Variants in RARB observed in about 807,000 individuals in gnomAD.
The protein encoded by RARB is HBV-activated protein.
A neutral mutation model predicts 51.9 loss-of-function variants in RARB; 17 were observed. The observed-to-expected ratio is 0.33, with a 90% CI of 0.22 to 0.49. The LOEUF is 0.49. RARB is among the 20% of genes least tolerant of loss of function. The probability of loss-of-function intolerance (pLI) is 0.99; values close to 1 mark genes in which losing one functional copy is unlikely to be tolerated. For missense variants in RARB, 369 were observed against 550.8 expected (o/e 0.67, Z 3.30); for synonymous variants, 215 against 195.4 (o/e 1.10, Z -0.84).
chr3:25,344,094 T>C (rs187913805), intron 5 of RARB, among the ~76,000 whole-genome samples: 38 of 152,322 alleles, frequency 2.5e-4, no homozygotes, highest in Non-Finnish European at 5.1e-4. Context: ...CCAGAAACTT[T>C]CTTTAAATGA....
intron 5 of RARB, among the ~76,000 whole-genome samples, chr3:25,413,248 T>G (rs947632145): frequency 1.7e-4 from 25 of 143,616 alleles, no homozygotes; most frequent in African/African-American, 6.3e-4. Flanking sequence ...TGTATTTTTG[T>G]CTTTTTTCAT....
At chr3:25,536,307 T>C (rs1181330719) in intron 3 of RARB, among the ~76,000 whole-genome samples, 1 of 152,172 alleles carries the variant, frequency 6.6e-6, no homozygotes, top group Non-Finnish European at 1.5e-5. Context: ...AGAATTCCAG[T>C]CTAATGCTAA....
At chr3:24,995,961 T>C (rs1240470565) in intron 2 of RARB, among the ~76,000 whole-genome samples, 1 of 152,102 alleles carries the variant, frequency 6.6e-6, no homozygotes, top group Admixed American at 6.6e-5. Context: ...GTCAAGGATA[T>C]GCTGGCCTCA....
chr3:25,465,441 G>C (rs921169608), intron 2 of RARB, among the ~76,000 whole-genome samples: 1 of 152,184 alleles, frequency 6.6e-6, no homozygotes, highest in Non-Finnish European at 1.5e-5. Context: ...CTCCCAAACA[G>C]AGCCTGGTAT....
intron 2 of RARB, among the ~76,000 whole-genome samples, chr3:24,905,578 C>T (rs1441209286): frequency 6.6e-6 from 1 of 152,140 alleles, no homozygotes; most frequent in African/African-American, 2.4e-5. Context: ...CTTTCCTTTC[C>T]TGATTTAAAA....
At chr3:25,236,699 AT>A (rs1702307853) in intron 5 of RARB, among the ~76,000 whole-genome samples, 1 of 152,076 alleles carries the variant, frequency 6.6e-6, no homozygotes, top group African/African-American at 2.4e-5. Flanking sequence ...TTTTACATTA[AT>A]GTATGTCTGC....
intron 2 of RARB, among the ~76,000 whole-genome samples, chr3:25,496,712 G>C (rs1431839140): frequency 6.6e-6 from 1 of 152,210 alleles, no homozygotes; most frequent in Non-Finnish European, 1.5e-5. Flanking sequence ...TTGCCTAGGA[G>C]AGGAAGCATC....
intron 5 of RARB, among the ~76,000 whole-genome samples, chr3:25,205,807 A>C (rs114583019): frequency 6.6e-6 from 1 of 151,962 alleles, no homozygotes; most frequent in South Asian, 2.1e-4. Flanking sequence ...CAGTGGTGCA[A>C]TTATGGCTCA....
chr3:25,147,056 A>G (rs1327280629), intron 4 of RARB, among the ~76,000 whole-genome samples: 2 of 152,112 alleles, frequency 1.3e-5, no homozygotes, highest in African/African-American at 4.8e-5. Context: ...AGCTCTCCAG[A>G]TGATTCTAGT....
At chr3:24,899,543 A>G (rs549607757) in intron 2 of RARB, among the ~76,000 whole-genome samples, 26 of 152,172 alleles carry the variant, frequency 1.7e-4, no homozygotes, top group Non-Finnish European at 3.2e-4. Flanking sequence ...AATGGGGACA[A>G]AAGTCTAGTG....
chr3:25,074,337 C>T (rs1049425432), intron 3 of RARB, among the ~76,000 whole-genome samples: 1 of 152,192 alleles, frequency 6.6e-6, no homozygotes, highest in East Asian at 1.9e-4. Context: ...TCCCGATCGG[C>T]TGCTGAAAAT....
At chr3:25,005,232 C>T (rs1697245689) in intron 2 of RARB, among the ~76,000 whole-genome samples, 1 of 152,158 alleles carries the variant, frequency 6.6e-6, no homozygotes, top group African/African-American at 2.4e-5. Flanking sequence ...ACTGTTTCCA[C>T]CTTTGCCTGT....
chr3:25,262,004 A>G (rs1424650207), intron 5 of RARB, among the ~76,000 whole-genome samples: 1 of 152,152 alleles, frequency 6.6e-6, no homozygotes, highest in Admixed American at 6.6e-5. Context: ...TCAAAACATA[A>G]ACCTGACACT....
intron 3 of RARB, among the ~76,000 whole-genome samples, chr3:25,093,018 TTAGAGCACAGGTGTTGC>T (rs1699226741): frequency 6.6e-6 from 1 of 152,190 alleles, no homozygotes; most frequent in Non-Finnish European, 1.5e-5. Flanking sequence ...CCATCCCTAC[TTAGAGCACAGGTGTTGC>T]TTACAATGAT....
chr3:24,903,190 T>C (rs939057042), intron 2 of RARB, among the ~76,000 whole-genome samples: 1 of 152,118 alleles, frequency 6.6e-6, no homozygotes, highest in Non-Finnish European at 1.5e-5. Context: ...TTGAAGTGAT[T>C]TTTTATCTCT....
At chr3:25,215,485 G>C (rs915834097) in intron 5 of RARB, among the ~76,000 whole-genome samples, 57 of 152,240 alleles carry the variant, frequency 3.7e-4, no homozygotes, top group African/African-American at 1.3e-3. Flanking sequence ...ATGGACAAGA[G>C]AGAGAGTGAG....
chr3:25,103,396 A>G (rs1037960592), intron 3 of RARB, among the ~76,000 whole-genome samples: 1 of 152,100 alleles, frequency 6.6e-6, no homozygotes, highest in Non-Finnish European at 1.5e-5. Context: ...CTCCTCTTTC[A>G]TGGTTAAAGA....
chr3:25,225,569 T>TA (rs1384106632), intron 5 of RARB, among the ~76,000 whole-genome samples: 1 of 152,050 alleles, frequency 6.6e-6, no homozygotes, highest in Non-Finnish European at 1.5e-5. Flanking sequence ...TATACCATAA[T>TA]AAAAATGTTA....
At chr3:25,130,086 C>A (rs1162889486) in intron 3 of RARB, among the ~76,000 whole-genome samples, 1 of 151,978 alleles carries the variant, frequency 6.6e-6, no homozygotes, top group East Asian at 1.9e-4. Flanking sequence ...CAAAAATGTT[C>A]TTTTCATTTA....
Sources: gnomAD v4.1 joint callset for allele counts (sites outside exome capture counted in the v4.1 genomes callset) on GRCh38, gnomAD v4.1.1 for gene constraint, MANE v1.5 for transcripts, NCBI Gene and HGNC (gene_info 2026-07-23, HGNC 2026-07-21) for gene names.